The following HMGN3 variants were observed in gnomAD, a reference collection of about 807,000 sequenced individuals.
HMGN3 encodes high mobility group nucleosome-binding domain-containing protein 3.
HMGN3 carries 6 observed loss-of-function variants against 18.8 expected under a neutral mutation model. The observed-to-expected ratio is 0.32, with a 90% confidence interval of 0.18 to 0.63. The LOEUF is 0.63. Ranked by LOEUF, HMGN3 falls within the 30% of genes least tolerant of loss-of-function variation. The pLI, the probability that HMGN3 is intolerant of heterozygous loss-of-function variation, is 0.79. For synonymous variants in HMGN3, 40 were observed against 36.5 expected, an observed-to-expected ratio of 1.10 and a Z score of -0.35; for missense variants, 107 against 114.2, an observed-to-expected ratio of 0.94 and a Z score of 0.29.
chr6:79,208,666 T>G, intron 2 of HMGN3, 90 bp from the exon 3 acceptor site: 1 of 982,052 alleles, frequency 1.0e-6, no homozygotes, highest in Non-Finnish European at 1.7e-6. Flanking sequence ...TATACCTTAC[T>G]TTGTTGAATG....
chr6:79,224,942 A>C (rs1457885077), intron 1 of HMGN3, among the ~76,000 whole-genome samples: 1 of 152,244 alleles, frequency 6.6e-6, no homozygotes, highest in African/African-American at 2.4e-5. Context: ...AATGTGATCT[A>C]CATATGGTTG....
intron 1 of HMGN3, among the ~76,000 whole-genome samples, chr6:79,216,009 G>A (rs1416422931): frequency 6.6e-6 from 1 of 152,106 alleles, no homozygotes; most frequent in Non-Finnish European, 1.5e-5. Flanking sequence ...AAATAAAACA[G>A]CTATGTGGTA....
chr6:79,215,119 G>T, intron 1 of HMGN3, 97 bp from the exon 2 acceptor site: 2 of 734,234 alleles, frequency 2.7e-6, no homozygotes, highest in Non-Finnish European at 4.5e-6. Flanking sequence ...GACAAGACAA[G>T]CCAACAGATT....
chr6:79,227,289 G>A (rs781158814), intron 1 of HMGN3, among the ~76,000 whole-genome samples: 3 of 152,104 alleles, frequency 2.0e-5, no homozygotes, highest in African/African-American at 4.8e-5. Flanking sequence ...AATCAACCAT[G>A]TAAAAATGCA....
At chr6:79,218,549 AAAGGG>A (rs1777108270) in intron 1 of HMGN3, among the ~76,000 whole-genome samples, 1 of 152,176 alleles carries the variant, frequency 6.6e-6, no homozygotes, top group African/African-American at 2.4e-5. Context: ...GTTGGGCAAA[AAAGGG>A]AAGTCATGGC....
At chr6:79,210,840 T>C (rs574608626) in intron 2 of HMGN3, among the ~76,000 whole-genome samples, 74 of 152,182 alleles carry the variant, frequency 4.9e-4, no homozygotes, top group African/African-American at 1.8e-3. Flanking sequence ...GACCTGAACA[T>C]ACCAAATAGA....
intron 1 of HMGN3, among the ~76,000 whole-genome samples, chr6:79,225,125 C>T (rs1777505913): frequency 6.6e-6 from 1 of 152,156 alleles, no homozygotes; most frequent in African/African-American, 2.4e-5. Context: ...CTCCCATATA[C>T]ATCATGCCTT....
intron 1 of HMGN3, among the ~76,000 whole-genome samples, chr6:79,221,720 T>C (rs1777292916): frequency 6.6e-6 from 1 of 152,204 alleles, no homozygotes; most frequent in African/African-American, 2.4e-5. Context: ...GTGGCTTTGT[T>C]AGTGTGGAGA....
At chr6:79,229,080 C>T (rs547607342) in intron 1 of HMGN3, among the ~76,000 whole-genome samples, 3 of 152,160 alleles carry the variant, frequency 2.0e-5, no homozygotes, top group Non-Finnish European at 4.4e-5. Context: ...ATACCACACA[C>T]AAAATTAATT....
intron 1 of HMGN3, among the ~76,000 whole-genome samples, chr6:79,226,642 A>C (rs188334018): frequency 7.2e-4 from 109 of 152,340 alleles, no homozygotes; most frequent in African/African-American, 2.5e-3. Flanking sequence ...TTCAGGAAAT[A>C]GCTCGATTTT....
intron 1 of HMGN3, among the ~76,000 whole-genome samples, chr6:79,222,153 T>C (rs1777326003): frequency 6.6e-6 from 1 of 152,330 alleles, no homozygotes; most frequent in East Asian, 1.9e-4. Flanking sequence ...TGATGGTATA[T>C]ATAACAGTGC....
chr6:79,224,654 A>C (rs1777474174), intron 1 of HMGN3, among the ~76,000 whole-genome samples: 1 of 152,148 alleles, frequency 6.6e-6, no homozygotes. Context: ...GATGCTTTCA[A>C]TATTTCTGAG....
chr6:79,203,496 G>T, intron 4 of HMGN3, 84 bp downstream of exon 4: 1 of 1,148,168 alleles, frequency 8.7e-7, no homozygotes, highest in Non-Finnish European at 1.3e-6. Context: ...ATTAAATACG[G>T]CCTTTCTTTG....
intron 3 of HMGN3, among the ~76,000 whole-genome samples, chr6:79,208,049 A>T (rs1373559618): frequency 6.6e-6 from 1 of 152,176 alleles, no homozygotes; most frequent in Non-Finnish European, 1.5e-5. Context: ...CTAACCCCAC[A>T]AGAATCTCCT....
intron 2 of HMGN3, among the ~76,000 whole-genome samples, chr6:79,214,362 T>C (rs1031238908): frequency 1.2e-4 from 18 of 151,996 alleles, no homozygotes; most frequent in Non-Finnish European, 7.4e-5. Context: ...CCACCACGCC[T>C]GGCTAACTTT....
At chr6:79,206,686 A>C (rs1401823970) in intron 3 of HMGN3, among the ~76,000 whole-genome samples, 1 of 152,224 alleles carries the variant, frequency 6.6e-6, no homozygotes, top group East Asian at 1.9e-4. Flanking sequence ...CTACTGGGGA[A>C]CTGCCTAGTG....
At position 79,230,127 on chromosome 6, in the gene HMGN3, T is replaced by C. The variant is rs545530428; in HGVS notation, c.15+4419A>G. ...AATAAAAAAGAATGATGTACTGATA[T>C]ATGCTACAACACAAACTGATCTCAA... is the stretch of plus-strand genomic sequence containing the variant. On this transcript the variant is annotated intron_variant, in intron 1 of 5. Coordinates refer to ENST00000344726, the Ensembl canonical transcript of HMGN3. Among the ~76,000 whole-genome samples, 252 of 152,326 alleles carry C rather than the reference T, an allele frequency of 1.7e-3. 2 individuals carry two copies. The highest frequency in any genetic ancestry group is 2.0e-3 in the Non-Finnish European group (134 of 68,028).
At chr6:79,202,546 A>G (rs908119881) in intron 4 of HMGN3, among the ~76,000 whole-genome samples, 157 bp from the exon 5 acceptor site, 5 of 152,208 alleles carry the variant, frequency 3.3e-5, no homozygotes, top group Non-Finnish European at 2.9e-5. Context: ...CTGGGTTTCA[A>G]CTGAGTTACA....
intron 2 of HMGN3, among the ~76,000 whole-genome samples, chr6:79,214,707 C>G (rs1172814205): frequency 6.6e-6 from 1 of 152,142 alleles, no homozygotes; most frequent in Non-Finnish European, 1.5e-5. Flanking sequence ...TCTGCTTTAA[C>G]AGAAAGCAGG....
Sources: allele counts gnomAD v4.1 joint callset (sites outside exome capture counted in the v4.1 genomes callset), GRCh38; gene constraint gnomAD v4.1.1; transcripts MANE v1.5; gene names NCBI Gene and HGNC (gene_info 2026-07-23, HGNC 2026-07-21).